MRC1: variants seen among roughly 807,000 people sequenced by gnomAD.
The protein encoded by MRC1 is macrophage mannose receptor 1.
In MRC1, 62 loss-of-function variants were observed where a neutral mutation model predicts 102.9. The ratio of observed to expected loss-of-function variants is 0.60; its 90% CI spans 0.49 to 0.74. MRC1 has a LOEUF of 0.74. MRC1 is among the 30% of genes least tolerant of loss of function. The pLI, the probability that MRC1 is intolerant of heterozygous loss-of-function variation, is 0.00. For synonymous variants in MRC1, 457 were observed against 298.4 expected, an observed-to-expected ratio of 1.53 and a Z score of -5.48; for missense variants, 1,237 against 862.8, an observed-to-expected ratio of 1.43 and a Z score of -5.43.
chr10:17,879,580 C>T, intron 18 of MRC1, 141 bp from the exon 19 acceptor site: 2 of 774,914 alleles, frequency 2.6e-6, no homozygotes, highest in Non-Finnish European at 4.8e-6. Flanking sequence ...TCAGGCTAGA[C>T]TCGAACTCCT....
At chr10:17,842,414 C>G (rs1459220999) in intron 5 of MRC1, among the ~76,000 whole-genome samples, 3 of 152,192 alleles carry the variant, frequency 2.0e-5, no homozygotes, top group Non-Finnish European at 4.4e-5. Context: ...ATTCCAGTTT[C>G]AAAGCGTTAC....
rs1184146404 is a variant in MRC1, at chr10:17,853,943, GT to G, written c.1407+830del. Among the ~76,000 whole-genome samples, 88 of 151,226 alleles carry G rather than the reference GT, an allele frequency of 5.8e-4. No individual in the cohort carries two copies. In the East Asian group the frequency reaches 0.011, roughly 18 times the overall value. ...TACTTAGCTCACCTGTGGATATGAG[GT>G]TTTTTTTTTTGTTGTTGTTGTTGTT... On this transcript the variant is annotated intron_variant, in intron 8 of 29. Coordinates refer to ENST00000569591, the MANE Select transcript of MRC1 (RefSeq NM_002438.4).
intron 26 of MRC1, among the ~76,000 whole-genome samples, chr10:17,903,392 CTTTTTTTTTT>C (rs35118275): frequency 2.4e-4 from 21 of 88,846 alleles, no homozygotes; most frequent in African/African-American, 6.6e-4. Flanking sequence ...CTTTTTTTTT[CTTTTTTTTTT>C]TTTTTTTTTT....
rs1833265407 is a variant in MRC1, at chr10:17,866,290, A to G, written c.1784-272A>G. On this transcript the variant is annotated intron_variant, in intron 11 of 29. Coordinates refer to ENST00000569591, the MANE Select transcript of MRC1 (RefSeq NM_002438.4). ...AAGGGGAGGAAGGGAAGAAGGAAGG[A>G]AAAAGGGAAGGAAGGAGGGAGGGAG... Among the ~76,000 whole-genome samples, 3 of 152,140 alleles carry G rather than the reference A, an allele frequency of 2.0e-5. No homozygotes were observed. In the South Asian group the frequency reaches 6.2e-4, roughly 31 times the overall value.
intron 24 of MRC1, among the ~76,000 whole-genome samples, chr10:17,898,971 A>G (rs1833792756): frequency 6.6e-6 from 1 of 152,218 alleles, no homozygotes; most frequent in Non-Finnish European, 1.5e-5. Flanking sequence ...AAAGAGAGGC[A>G]TATAGAAAGT....
At position 17,875,169 on chromosome 10, in the gene MRC1, C is replaced by T; in HGVS notation, c.2466C>T (p.Asp822=). Residue 822 remains aspartate, a synonymous_variant, in exon 17 of 30, where the codon GAC becomes GAT. Transcript: ENST00000569591. ...YYFSKEKETM[D]NARAFCKRNF... ...TCAGCAAAGAGAAGGAAACCATGGA[C>T]AATGCGCGAGCGTTTTGCAAGAGGA... 1.3e-6 allele frequency: 1 copy of T among 780,854 alleles called. No individual in the cohort carries two copies. Among genetic ancestry groups the T allele is most frequent in the Non-Finnish European group, 2.4e-6 (1 of 417,946 alleles). The allele number at this position is 780,854 out of a possible 1,614,324, so 48.4% of individuals were successfully genotyped here.
At chr10:17,838,682 G>T (rs2130622040) in intron 4 of MRC1, among the ~76,000 whole-genome samples, 1 of 152,242 alleles carries the variant, frequency 6.6e-6, no homozygotes, top group South Asian at 2.1e-4. Flanking sequence ...GTTACGCCTT[G>T]AGCATGTGAG....
At chr10:17,811,340 C>T (rs2094567068) in intron 1 of MRC1, among the ~76,000 whole-genome samples, 1 of 152,086 alleles carries the variant, frequency 6.6e-6, no homozygotes, top group East Asian at 1.9e-4. Context: ...TAAACTGACT[C>T]AATAATGCTT....
chr10:17,845,496 A>G (rs1372636341), intron 6 of MRC1, 61 bp downstream of exon 6: 1 of 778,856 alleles, frequency 1.3e-6, no homozygotes, highest in Non-Finnish European at 2.4e-6. Context: ...AAGTAACATT[A>G]CAGCTTAGGT....
chr10:17,849,544 T>TA (rs1335507478), intron 6 of MRC1, 35 bp from the exon 7 acceptor site: 9 of 705,002 alleles, frequency 1.3e-5, no homozygotes, highest in African/African-American at 2.6e-5. Context: ...TCAAATCTTT[T>TA]AAAATTTTTT....
chr10:17,840,937 A>G (rs1010048893), intron 5 of MRC1, 131 bp downstream of exon 5: 8 of 739,748 alleles, frequency 1.1e-5, no homozygotes, highest in Non-Finnish European at 2.0e-5. Flanking sequence ...AGTTCATTTC[A>G]CCTTGTTTTG....
intron 28 of MRC1, among the ~76,000 whole-genome samples, chr10:17,908,728 C>T (rs1487816861): frequency 6.6e-6 from 1 of 152,128 alleles, no homozygotes; most frequent in African/African-American, 2.4e-5. Context: ...GCCACTATGC[C>T]CAGCTAATTT....
At chr10:17,832,519 C>T (rs1162007755) in intron 3 of MRC1, among the ~76,000 whole-genome samples, 2 of 149,684 alleles carry the variant, frequency 1.3e-5, no homozygotes, top group Admixed American at 6.6e-5. Context: ...TGCACCACTG[C>T]ACTCCAGCCT....
intron 2 of MRC1, among the ~76,000 whole-genome samples, chr10:17,824,704 C>T (rs1357333664): frequency 6.6e-6 from 1 of 152,144 alleles, no homozygotes; most frequent in Non-Finnish European, 1.5e-5. Context: ...GTGAATTAAA[C>T]TTGACGGAGT....
chr10:17,869,534 T>A (rs1833325078), intron 12 of MRC1, among the ~76,000 whole-genome samples: 1 of 152,210 alleles, frequency 6.6e-6, no homozygotes, highest in South Asian at 2.1e-4. Flanking sequence ...TCTATTTGCA[T>A]ACTGGTGGGT....
At chr10:17,844,676 C>A (rs1244561337) in intron 5 of MRC1, among the ~76,000 whole-genome samples, 1 of 152,148 alleles carries the variant, frequency 6.6e-6, no homozygotes, top group African/African-American at 2.4e-5. Flanking sequence ...ATCCCATCAA[C>A]CAGGCAGTGA....
intron 17 of MRC1, among the ~76,000 whole-genome samples, chr10:17,875,715 A>C (rs952349574): frequency 3.9e-5 from 6 of 152,176 alleles, no homozygotes; most frequent in Non-Finnish European, 7.3e-5. Context: ...AAATTGTGCC[A>C]ATATTATAAC....
chr10:17,910,458 T>A lies in MRC1; in HGVS notation c.4364T>A (p.Val1455Asp). The A allele has an allele frequency of 6.4e-6, 5 of 780,862 alleles. No homozygotes were observed. Among genetic ancestry groups the A allele is most frequent in the South Asian group, 2.7e-5 (2 of 74,618 alleles). 48.4% of individuals were successfully genotyped at this position (780,862 alleles called of 1,614,324 possible). The stretch of plus-strand genomic sequence containing the variant: ...AATATTGAACAGAATGAACACTCGG[T>A]CATCTAGTACCTCAATGCGATTCTG... ...VGNIEQNEHS[V>D]I Residue 1455 changes from valine to aspartate, a missense_variant, in exon 30 of 30, where the codon GTC (valine) becomes GAC (aspartate). Val to Asp is a radical substitution (Grantham distance 152). Transcript: ENST00000569591.
intron 12 of MRC1, among the ~76,000 whole-genome samples, chr10:17,868,072 C>A (rs898487720): frequency 2.0e-5 from 3 of 151,960 alleles, no homozygotes; most frequent in East Asian, 1.9e-4. Flanking sequence ...AAAAAGAAAC[C>A]CAGAAAATAA....
Sources: allele counts gnomAD v4.1 joint callset (sites outside exome capture counted in the v4.1 genomes callset), GRCh38; gene constraint gnomAD v4.1.1; transcripts MANE v1.5; gene names NCBI Gene and HGNC (gene_info 2026-07-23, HGNC 2026-07-21).